Variants in LUC7L3 observed in about 807,000 individuals in gnomAD.
The protein encoded by LUC7L3 is luc7-like protein 3.
LUC7L3 carries 6 observed loss-of-function variants against 66.8 expected under a neutral mutation model. The observed-to-expected ratio is 0.09, with a 90% CI of 0.05 to 0.18. LUC7L3 has a LOEUF of 0.18. Among genes scored for constraint, LUC7L3 ranks in the 10% least tolerant of loss-of-function variants. The probability of loss-of-function intolerance (pLI) is 1.00; values close to 1 mark genes in which losing one functional copy is unlikely to be tolerated. For missense variants in LUC7L3, 341 were observed against 531.1 expected (o/e 0.64, Z 3.52); for synonymous variants, 160 against 174.7 (o/e 0.92, Z 0.66).
chr17:50,739,386 T>C (rs1970199417), intron 2 of LUC7L3, among the ~76,000 whole-genome samples: 1 of 152,152 alleles, frequency 6.6e-6, no homozygotes. Context: ...AAAACTAGGC[T>C]CACACCTGTA....
chr17:50,725,738 G>C (rs1969138211), intron 1 of LUC7L3, among the ~76,000 whole-genome samples: 2 of 152,036 alleles, frequency 1.3e-5, no homozygotes, highest in Admixed American at 1.3e-4. Flanking sequence ...ACATAGCTTA[G>C]AAATATTTTT....
chr17:50,750,991 TTC>T lies in LUC7L3; in HGVS notation c.*332_*333del. The T allele has an allele frequency of 6.9e-7, 1 of 1,459,814 alleles. No individual in the cohort carries two copies. Among genetic ancestry groups the T allele is most frequent in the South Asian group, 1.4e-5 (1 of 71,540 alleles). The allele number at this position is 1,459,814 out of a possible 1,614,324, so 90.4% of individuals were successfully genotyped here. On this transcript the variant is annotated 3_prime_UTR_variant, in exon 10 of 10. Coordinates refer to ENST00000505658, the MANE Select transcript of LUC7L3 (RefSeq NM_016424.5). ...CTTTTTTTAGGGATTTTGATGTCATTTCTTTTTTTTTTTTAATAAAAAGGTTG... is the reference window on the plus strand; with the variant it reads ...CTTTTTTTAGGGATTTTGATGTCATTTTTTTTTTTTTTAATAAAAAGGTTG...
intron 6 of LUC7L3, 145 bp from the exon 7 acceptor site, chr17:50,744,507 C>T: frequency 1.5e-6 from 1 of 676,078 alleles, no homozygotes; most frequent in Non-Finnish European, 2.3e-6. Flanking sequence ...TAAAAGTTGA[C>T]CACTTGTAGT....
chr17:50,744,889 G>A lies in LUC7L3; in HGVS notation c.693+76G>A, dbSNP rs954383638. On this transcript the variant is annotated intron_variant, in intron 7 of 9. Transcript: ENST00000505658. ...TGCAGTGACGCGATCTCAGCTCACT[G>A]CCACCTCCACCTCCCAGGTTTAAGC... 2.2e-5 allele frequency: 27 copies of A among 1,213,008 alleles called. No homozygotes were observed. In the African/African-American group the frequency reaches 3.5e-4, roughly 16 times the overall value. 75.1% of individuals were successfully genotyped at this position (1,213,008 alleles called of 1,614,324 possible).
At chr17:50,740,811 C>T (rs778290525) in intron 3 of LUC7L3, among the ~76,000 whole-genome samples, 45 of 152,308 alleles carry the variant, frequency 3.0e-4, no homozygotes, top group Admixed American at 4.6e-4. Flanking sequence ...CCACCCACCT[C>T]GGCCTCCCAA....
At chr17:50,737,239 T>A (rs571405900) in intron 2 of LUC7L3, 4 of 653,386 alleles carry the variant, frequency 6.1e-6, no homozygotes, top group Non-Finnish European at 8.4e-6. Context: ...ACATGTCTAT[T>A]TCCACTCCCT....
intron 8 of LUC7L3, 97 bp downstream of exon 8, chr17:50,746,100 C>A: frequency 2.8e-6 from 4 of 1,423,470 alleles, no homozygotes; most frequent in Non-Finnish European, 3.7e-6. Context: ...ACTTGGGAAG[C>A]TCTTAAGCAT....
chr17:50,740,570 G>GT (rs199738115), intron 3 of LUC7L3, among the ~76,000 whole-genome samples: 2,995 of 151,850 alleles, frequency 0.02, 90 homozygotes, highest in African/African-American at 0.067. Context: ...CCCATTTGCT[G>GT]TTTTTTTTAA....
rs1312976249 is a variant in LUC7L3, at chr17:50,753,942, C to T, written c.*3281C>T. 2 of 152,050 alleles carry T rather than the reference C, an allele frequency of 1.3e-5. No individual in the cohort carries two copies. The highest frequency in any genetic ancestry group is 2.9e-5 in the Non-Finnish European group (2 of 68,034). The allele number at this position is 152,050 out of a possible 1,614,324, so 9.4% of individuals were successfully genotyped here. On this transcript the variant is annotated 3_prime_UTR_variant, in exon 10 of 10. Coordinates refer to ENST00000505658, the MANE Select transcript of LUC7L3 (RefSeq NM_016424.5). ...TGGGGGTGGTGGGAGGAGGACCTGC[C>T]TCCCCAGGACATCTATGACTAAGGC...
rs746534820 is a variant in LUC7L3, at chr17:50,745,780, CAAGAAAGAG to C, written c.766_774del (p.Glu256_Glu258del). 3.6e-5 allele frequency: 58 copies of C among 1,592,212 alleles called. No homozygotes were observed. Among genetic ancestry groups the C allele is most frequent in the Middle Eastern group, 1.7e-4 (1 of 5,994 alleles). The stretch of plus-strand genomic sequence containing the variant: ...TGATGAGCGTCTAAAAAAGGAGAAG[CAAGAAAGAG>C]AAGAAAGAGAAAAAGAACGGGAGAG... On this transcript the variant is annotated inframe_deletion, in exon 8 of 10. Coordinates refer to ENST00000505658, the MANE Select transcript of LUC7L3 (RefSeq NM_016424.5).
chr17:50,732,495 C>T (rs1378496770), intron 1 of LUC7L3, among the ~76,000 whole-genome samples: 1 of 152,124 alleles, frequency 6.6e-6, no homozygotes, highest in East Asian at 1.9e-4. Context: ...GACCCTTCCA[C>T]CCTAGCCACC....
chr17:50,727,847 A>G (rs1969295953), intron 1 of LUC7L3, among the ~76,000 whole-genome samples: 1 of 152,114 alleles, frequency 6.6e-6, no homozygotes, highest in Admixed American at 6.5e-5. Flanking sequence ...GGCTCACGCC[A>G]GTAATCCCAA....
chr17:50,740,212 T>G (rs2146747770), intron 2 of LUC7L3, 94 bp from the exon 3 acceptor site: 1 of 967,650 alleles, frequency 1.0e-6, no homozygotes, highest in South Asian at 1.5e-5. Flanking sequence ...GTGAATCCTT[T>G]TTCTTTTTAA....
Position 50,750,690 on chromosome 17 carries a change from C to CAG in LUC7L3, c.*32_*33dup. 1 of 1,613,998 alleles carries CAG rather than the reference C, an allele frequency of 6.2e-7. No homozygotes were observed. The highest frequency in any genetic ancestry group is 8.5e-7 in the Non-Finnish European group (1 of 1,179,948). On this transcript the variant is annotated 3_prime_UTR_variant, in exon 10 of 10. Coordinates refer to ENST00000505658, the MANE Select transcript of LUC7L3 (RefSeq NM_016424.5). ...TGATCTGATAAGACCTCAGATCAGACAGAGGTAAGTGTATTGTTTCTCACT... is the reference window on the plus strand; with the variant it reads ...TGATCTGATAAGACCTCAGATCAGACAGAGAGGTAAGTGTATTGTTTCTCACT...
At chr17:50,737,143 C>A in intron 2 of LUC7L3, 117 bp downstream of exon 2, 1 of 704,760 alleles carries the variant, frequency 1.4e-6, no homozygotes, top group Non-Finnish European at 2.4e-6. Flanking sequence ...TAAAGATTTG[C>A]TAATAAGTAA....
chr17:50,747,224 T>C (rs1479699630), intron 9 of LUC7L3, among the ~76,000 whole-genome samples: 1 of 125,752 alleles, frequency 8.0e-6, no homozygotes, highest in Non-Finnish European at 1.6e-5. Context: ...TTTTTCTTTT[T>C]TCTTTTTCTT....
At chr17:50,742,026 T>C (rs941968669) in intron 5 of LUC7L3, among the ~76,000 whole-genome samples, 4 of 152,108 alleles carry the variant, frequency 2.6e-5, no homozygotes, top group Non-Finnish European at 5.9e-5. Context: ...TAGTTAGACG[T>C]GTCTGTGCCA....
chr17:50,732,381 A>G (rs1969663892), intron 1 of LUC7L3, among the ~76,000 whole-genome samples: 1 of 151,998 alleles, frequency 6.6e-6, no homozygotes, highest in African/African-American at 2.4e-5. Flanking sequence ...CACTATAAGA[A>G]ATTTATTACC....
In LUC7L3 at chr17:50,751,405, T is replaced by G. The variant is rs1970967115; in HGVS notation, c.*744T>G. ...TCCTTTCTCTACCCACATCCATGTT[T>G]GAATGCTATTGCCTGTGATCTTTAC... On this transcript the variant is annotated 3_prime_UTR_variant, in exon 10 of 10. Transcript: ENST00000505658. 1 of 1,290,392 alleles carries G rather than the reference T, an allele frequency of 7.7e-7. No homozygotes were observed. The allele number at this position is 1,290,392 out of a possible 1,614,324, so 79.9% of individuals were successfully genotyped here. A position where few individuals can be genotyped will look rare whatever the true frequency, so the allele number is the denominator to read the frequency against.
Sources: allele counts gnomAD v4.1 joint callset (sites outside exome capture counted in the v4.1 genomes callset), GRCh38; gene constraint gnomAD v4.1.1; transcripts MANE v1.5; gene names NCBI Gene and HGNC (gene_info 2026-07-23, HGNC 2026-07-21).